Variants in RNLS observed in about 807,000 individuals in gnomAD.
RNLS encodes renalase.
Under a neutral mutation model 39.8 loss-of-function variants are expected in RNLS, and 39 were observed. The ratio of observed to expected loss-of-function variants is 0.98; its 90% CI spans 0.76 to 1.28. RNLS has a LOEUF of 1.28. RNLS is among the 50% of genes most tolerant of loss of function. RNLS has a pLI of 0.00. For synonymous variants in RNLS, 147 were observed against 150.7 expected (o/e 0.98, Z 0.18); for missense variants, 410 against 413.3 (o/e 0.99, Z 0.07).
the RNLS span, among the ~76,000 whole-genome samples, chr10:88,237,116 G>A: frequency 6.6e-6 from 1 of 151,204 alleles, no homozygotes; most frequent in Non-Finnish European, 1.5e-5. Context: ...TATATTTCTA[G>A]GGTTGGTTTT....
the RNLS span, among the ~76,000 whole-genome samples, chr10:88,173,993 A>ATT: frequency 8.7e-3 from 1,257 of 144,370 alleles, 8 homozygotes; most frequent in African/African-American, 0.02. Flanking sequence ...ATTCCTTGGT[A>ATT]TTTTTTTTTT....
the RNLS span, among the ~76,000 whole-genome samples, chr10:88,230,960 T>G: frequency 6.6e-6 from 1 of 152,222 alleles, no homozygotes; most frequent in Non-Finnish European, 1.5e-5. Flanking sequence ...TTCCAGGCAG[T>G]TTGATTCTTA....
chr10:88,363,924 A>AT (rs1479724884), intron 4 of RNLS, among the ~76,000 whole-genome samples: 1 of 152,190 alleles, frequency 6.6e-6, no homozygotes, highest in African/African-American at 2.4e-5. Context: ...TTGGCATATA[A>AT]TAAGTGTTCA....
chr10:88,296,009 T>G (rs897580345), intron 6 of RNLS, among the ~76,000 whole-genome samples: 11 of 152,112 alleles, frequency 7.2e-5, no homozygotes, highest in Admixed American at 3.9e-4. Flanking sequence ...TCCTTTAGAG[T>G]TTTTAATTTA....
intron 4 of RNLS, among the ~76,000 whole-genome samples, chr10:88,568,879 C>T (rs60089382): frequency 0.013 from 2,007 of 152,230 alleles, 47 homozygotes; most frequent in African/African-American, 0.045. Context: ...TCTCACAGTG[C>T]GGCTTTGAAC....
chr10:88,270,784 T>C (rs112845853), downstream of RNLS, among the ~76,000 whole-genome samples: 110 of 152,314 alleles, frequency 7.2e-4, 1 homozygote, highest in African/African-American at 2.3e-3. Context: ...AAGAGATACA[T>C]ACAACCCCAA....
chr10:88,485,390 A>G (rs186969352), intron 4 of RNLS, among the ~76,000 whole-genome samples: 1 of 152,012 alleles, frequency 6.6e-6, no homozygotes, highest in African/African-American at 2.4e-5. Flanking sequence ...TTCTGGAACA[A>G]CTGGATATCC....
At chr10:88,195,156 A>G in the RNLS span, among the ~76,000 whole-genome samples, 2 of 152,176 alleles carry the variant, frequency 1.3e-5, no homozygotes, top group Admixed American at 6.5e-5. Context: ...CTGACCCTGA[A>G]TGAGATATTT....
At chr10:88,215,548 G>A in the RNLS span, among the ~76,000 whole-genome samples, 4 of 152,064 alleles carry the variant, frequency 2.6e-5, no homozygotes, top group Admixed American at 1.3e-4. Flanking sequence ...GAGGGGCTTC[G>A]CTTAAATTGT....
At chr10:88,383,097 T>C (rs1851652976) in intron 4 of RNLS, among the ~76,000 whole-genome samples, 1 of 152,114 alleles carries the variant, frequency 6.6e-6, no homozygotes, top group African/African-American at 2.4e-5. Context: ...GTAGTGTCAA[T>C]GGTGATATTC....
downstream of RNLS, chr10:88,284,021 A>G (rs779397501): frequency 2.7e-5 from 14 of 516,644 alleles, no homozygotes; most frequent in South Asian, 4.2e-4. Flanking sequence ...ACAAAAAATC[A>G]CTATTTTTCA....
intron 5 of RNLS, among the ~76,000 whole-genome samples, chr10:88,347,437 G>A (rs1465441876): frequency 6.6e-6 from 1 of 152,122 alleles, no homozygotes; most frequent in South Asian, 2.1e-4. Flanking sequence ...AGAGTATGAA[G>A]AGCTCTGTTT....
the RNLS span, among the ~76,000 whole-genome samples, chr10:88,243,764 T>G: frequency 3.9e-5 from 6 of 152,246 alleles, no homozygotes; most frequent in Admixed American, 3.9e-4. Flanking sequence ...TTCACTTTGC[T>G]GTTGGAAAGA....
chr10:88,394,549 T>C (rs1245183054), intron 4 of RNLS, among the ~76,000 whole-genome samples: 1 of 152,160 alleles, frequency 6.6e-6, no homozygotes, highest in Non-Finnish European at 1.5e-5. Flanking sequence ...AAACAACAGG[T>C]GCTGGAGAGA....
chr10:88,535,746 G>C (rs1847719029), intron 4 of RNLS, among the ~76,000 whole-genome samples: 1 of 152,090 alleles, frequency 6.6e-6, no homozygotes, highest in Non-Finnish European at 1.5e-5. Context: ...ATAAACTAGA[G>C]TAGAAGAAAG....
intron 6 of RNLS, among the ~76,000 whole-genome samples, chr10:88,291,570 C>A (rs1307809131): frequency 6.6e-6 from 1 of 152,182 alleles, no homozygotes; most frequent in African/African-American, 2.4e-5. Context: ...ATCCTTCTCT[C>A]TTCCGTGCCT....
chr10:88,332,430 T>G (rs1745668725), intron 5 of RNLS, among the ~76,000 whole-genome samples: 1 of 152,272 alleles, frequency 6.6e-6, no homozygotes, highest in African/African-American at 2.4e-5. Context: ...TACTGTCATC[T>G]TTGAGGAAAA....
At chr10:88,373,232 A>G (rs1850709921) in intron 4 of RNLS, among the ~76,000 whole-genome samples, 1 of 152,196 alleles carries the variant, frequency 6.6e-6, no homozygotes, top group African/African-American at 2.4e-5. Flanking sequence ...TATTCTAATT[A>G]AAAAGTTTTA....
chr10:88,471,179 G>A (rs1038530795), intron 4 of RNLS, among the ~76,000 whole-genome samples: 1 of 152,146 alleles, frequency 6.6e-6, no homozygotes, highest in Non-Finnish European at 1.5e-5. Context: ...TCAGTACATG[G>A]AGCTATATCA....
Sources: allele counts gnomAD v4.1 joint callset (sites outside exome capture counted in the v4.1 genomes callset), GRCh38; gene constraint gnomAD v4.1.1; transcripts MANE v1.5; gene names NCBI Gene and HGNC (gene_info 2026-07-23, HGNC 2026-07-21).